KCNJ3: variants seen among roughly 807,000 people sequenced by gnomAD.
The protein encoded by KCNJ3 is potassium inwardly rectifying channel subfamily J member 3, also known as G protein-activated inward rectifier potassium channel 1.
Under a neutral mutation model 39.2 loss-of-function variants are expected in KCNJ3, and 4 were observed. The observed-to-expected ratio is 0.10, with a 90% CI of 0.05 to 0.23. The LOEUF (loss-of-function observed/expected upper bound fraction) is 0.23. KCNJ3 is among the 10% of genes least tolerant of loss of function. KCNJ3 has a pLI of 1.00. For missense variants in KCNJ3, 276 were observed against 634.9 expected (o/e 0.43, Z 6.08); for synonymous variants, 230 against 237.4 (o/e 0.97, Z 0.29).
At chr2:154,743,357 A>G (rs562733727) in intron 2 of KCNJ3, among the ~76,000 whole-genome samples, 1 of 151,902 alleles carries the variant, frequency 6.6e-6, no homozygotes, top group African/African-American at 2.4e-5. Context: ...AATGAATTTT[A>G]AGATGAGTTT....
intron 2 of KCNJ3, among the ~76,000 whole-genome samples, chr2:154,822,223 GAATAAGTCA>G (rs1389397746): frequency 6.6e-6 from 1 of 152,132 alleles, no homozygotes. Context: ...ATCTGAGGTG[GAATAAGTCA>G]AATGTACATG....
At chr2:154,816,766 T>C (rs540842527) in intron 2 of KCNJ3, among the ~76,000 whole-genome samples, 1 of 152,326 alleles carries the variant, frequency 6.6e-6, no homozygotes, top group South Asian at 2.1e-4. Context: ...CTGATTTTCC[T>C]GAGGTGATGT....
intron 2 of KCNJ3, among the ~76,000 whole-genome samples, chr2:154,827,042 A>T (rs1432522378): frequency 5.9e-5 from 9 of 152,122 alleles, no homozygotes; most frequent in Admixed American, 5.2e-4. Context: ...CTGAGCGTCC[A>T]AGATCCTTGT....
At chr2:154,723,234 G>A (rs540118935) in intron 2 of KCNJ3, among the ~76,000 whole-genome samples, 25 of 152,236 alleles carry the variant, frequency 1.6e-4, no homozygotes, top group African/African-American at 5.5e-4. Context: ...GCAGTGAGCT[G>A]TGATGGCGCC....
rs568249551 is a variant in KCNJ3, at chr2:154,855,791, A to G, written c.*478A>G. The G allele has an allele frequency of 2.6e-5, 4 of 152,164 alleles. No homozygotes were observed. The highest frequency in any genetic ancestry group is 9.7e-5 in the African/African-American group (4 of 41,444). The allele number at this position is 152,164 out of a possible 1,614,324, so 9.4% of individuals were successfully genotyped here. A position where few individuals can be genotyped will look rare whatever the true frequency, so the allele number is the denominator to read the frequency against. On this transcript the variant is annotated 3_prime_UTR_variant, in exon 3 of 3. Coordinates refer to ENST00000295101, the MANE Select transcript of KCNJ3 (RefSeq NM_002239.4). Reference sequence around the variant, plus strand: ...TATATATATACACATACATACACATACATACATACATACATATATATCTGA... The same window carrying G: ...TATATATATACACATACATACACATGCATACATACATACATATATATCTGA...
chr2:154,753,296 T>C (rs2105183340), intron 2 of KCNJ3, among the ~76,000 whole-genome samples: 1 of 152,270 alleles, frequency 6.6e-6, no homozygotes, highest in East Asian at 1.9e-4. Context: ...AATAGAAACA[T>C]TCTGATTGAA....
chr2:154,742,250 T>C (rs1685666743), intron 2 of KCNJ3, among the ~76,000 whole-genome samples: 1 of 151,906 alleles, frequency 6.6e-6, no homozygotes, highest in African/African-American at 2.4e-5. Flanking sequence ...TATTCCATTG[T>C]ATGTCTATAC....
intron 2 of KCNJ3, among the ~76,000 whole-genome samples, chr2:154,839,882 A>G (rs1352207483): frequency 3.3e-5 from 5 of 152,000 alleles, no homozygotes; most frequent in Non-Finnish European, 7.4e-5. Context: ...CTCATTCTGT[A>G]GGTTGCCTGT....
intron 2 of KCNJ3, among the ~76,000 whole-genome samples, chr2:154,756,387 G>C (rs1456092674): frequency 6.6e-6 from 1 of 152,078 alleles, no homozygotes; most frequent in African/African-American, 2.4e-5. Flanking sequence ...CTCATGTTTG[G>C]TAATTTAGTG....
intron 2 of KCNJ3, among the ~76,000 whole-genome samples, chr2:154,791,032 G>A (rs1168271788): frequency 6.6e-6 from 1 of 152,096 alleles, no homozygotes; most frequent in African/African-American, 2.4e-5. Flanking sequence ...TGTTCAGTGA[G>A]TAGAGGGTGG....
At position 154,813,470 on chromosome 2, in the gene KCNJ3, C is replaced by T. The variant is rs574411346; in HGVS notation, c.920-41257C>T. Among the ~76,000 whole-genome samples, 5 of 152,214 alleles carry T rather than the reference C, an allele frequency of 3.3e-5. No homozygotes were observed. The South Asian group carries it at 1.0e-3, about 32-fold the overall frequency. ...TCTATACTCTATTTAGCAGAAATTA[C>T]TTCTATTAGAATCCAAAGTTTAATT... On this transcript the variant is annotated intron_variant, in intron 2 of 2. Coordinates refer to ENST00000295101, the MANE Select transcript of KCNJ3 (RefSeq NM_002239.4).
chr2:154,761,852 T>C (rs910051984), intron 2 of KCNJ3, among the ~76,000 whole-genome samples: 2 of 152,200 alleles, frequency 1.3e-5, no homozygotes, highest in African/African-American at 4.8e-5. Flanking sequence ...GTCCAGGTCG[T>C]AATCCTCAGA....
chr2:154,729,137 A>G (rs921595744), intron 2 of KCNJ3, among the ~76,000 whole-genome samples: 3 of 152,174 alleles, frequency 2.0e-5, no homozygotes, highest in African/African-American at 7.2e-5. Context: ...ATTACAACAC[A>G]TTTACAAGAA....
intron 2 of KCNJ3, among the ~76,000 whole-genome samples, chr2:154,778,198 T>C (rs115151088): frequency 0.035 from 5,356 of 152,242 alleles, 295 homozygotes; most frequent in African/African-American, 0.12. Flanking sequence ...TATGACCAAA[T>C]GCTTATTTGT....
At chr2:154,728,425 G>A (rs1183546616) in intron 2 of KCNJ3, among the ~76,000 whole-genome samples, 2 of 152,110 alleles carry the variant, frequency 1.3e-5, no homozygotes, top group Non-Finnish European at 2.9e-5. Context: ...GTTTGGAAAG[G>A]GGATATCTAA....
chr2:154,727,609 A>AAAAAAAAT (rs1282835197), intron 2 of KCNJ3, among the ~76,000 whole-genome samples: 1 of 150,944 alleles, frequency 6.6e-6, no homozygotes, highest in Non-Finnish European at 1.5e-5. Flanking sequence ...AAAAAAAAAA[A>AAAAAAAAT]AGAGAGAAAA....
chr2:154,741,569 T>A (rs1480435252), intron 2 of KCNJ3, among the ~76,000 whole-genome samples: 11 of 151,896 alleles, frequency 7.2e-5, no homozygotes, highest in Admixed American at 2.6e-4. Flanking sequence ...AGTCAAATCC[T>A]CTGCTTATGG....
chr2:154,853,599 A>G (rs1340157590), intron 2 of KCNJ3, among the ~76,000 whole-genome samples: 3 of 152,074 alleles, frequency 2.0e-5, no homozygotes, highest in African/African-American at 4.8e-5. Context: ...ATAGAAGTCT[A>G]TTAGACTTCT....
intron 2 of KCNJ3, among the ~76,000 whole-genome samples, chr2:154,752,310 G>A (rs1685859788): frequency 1.3e-5 from 2 of 151,816 alleles, no homozygotes; most frequent in Non-Finnish European, 2.9e-5. Flanking sequence ...TAGGAAATGT[G>A]ATGGAAAAAA....
Sources: gnomAD v4.1 joint callset for allele counts (sites outside exome capture counted in the v4.1 genomes callset) on GRCh38, gnomAD v4.1.1 for gene constraint, MANE v1.5 for transcripts, NCBI Gene and HGNC (gene_info 2026-07-23, HGNC 2026-07-21) for gene names.